Variants in MAMDC2 observed in about 807,000 individuals in gnomAD.
The protein encoded by MAMDC2 is MAM domain-containing protein 2.
A neutral mutation model predicts 89.8 loss-of-function variants in MAMDC2; 57 were observed. The observed-to-expected ratio is 0.63, with a 90% CI of 0.51 to 0.79. The LOEUF is 0.79. MAMDC2 is among the 30% of genes least tolerant of loss of function. The pLI is 0.00. For missense variants in MAMDC2, 800 were observed against 820.6 expected, an observed-to-expected ratio of 0.97 and a Z score of 0.31; for synonymous variants, 313 against 293.4, an observed-to-expected ratio of 1.07 and a Z score of -0.68.
chr9:70,125,948 C>T (rs1314824284), intron 5 of MAMDC2, among the ~76,000 whole-genome samples: 2 of 152,214 alleles, frequency 1.3e-5, no homozygotes, highest in African/African-American at 4.8e-5. Flanking sequence ...CTGTATTTAG[C>T]AGAGTGCAAT....
Position 70,108,222 on chromosome 9 carries a change from T to C in MAMDC2, c.160T>C (p.Tyr54His), listed in dbSNP as rs779207375. The change falls in exon 3 of 14, where the codon TAT becomes CAT. Residue 54 changes from tyrosine to histidine, a missense_variant. Transcript: ENST00000377182. ...WILNEEGHYI[Y>H]VDTSFGKQGE... Reference sequence around the variant, plus strand: ...CTTTCTCTTTCCAGGCCATTACATTTATGTGGATACCTCCTTTGGCAAGCA... The same window carrying C: ...CTTTCTCTTTCCAGGCCATTACATTCATGTGGATACCTCCTTTGGCAAGCA... The C allele has an allele frequency of 1.3e-6, 2 of 1,596,448 alleles. No homozygotes were observed. Among genetic ancestry groups the C allele is most frequent in the South Asian group, 1.1e-5 (1 of 87,710 alleles).
At chr9:70,051,549 A>G (rs1023451471) in intron 2 of MAMDC2, among the ~76,000 whole-genome samples, 3 of 152,234 alleles carry the variant, frequency 2.0e-5, no homozygotes, top group African/African-American at 7.2e-5. Flanking sequence ...TTAAAATAAC[A>G]GAACCTCTTT....
At chr9:70,130,087 C>T (rs2030735145) in intron 6 of MAMDC2, among the ~76,000 whole-genome samples, 1 of 151,214 alleles carries the variant, frequency 6.6e-6, no homozygotes, top group East Asian at 1.9e-4. Flanking sequence ...ATAAGGACAC[C>T]AGTCGTTTAA....
At chr9:70,056,494 T>C (rs1199302966) in intron 2 of MAMDC2, among the ~76,000 whole-genome samples, 1 of 152,242 alleles carries the variant, frequency 6.6e-6, no homozygotes, top group Non-Finnish European at 1.5e-5. Context: ...TGTCAACTTA[T>C]GTTGTCAATA....
intron 2 of MAMDC2, among the ~76,000 whole-genome samples, chr9:70,090,956 A>C (rs543417400): frequency 1.4e-4 from 21 of 152,348 alleles, no homozygotes; most frequent in African/African-American, 5.0e-4. Context: ...AGAAACAGAT[A>C]GATAATATAA....
intron 11 of MAMDC2, chr9:70,175,718 A>T (rs988293723): frequency 2.0e-5 from 3 of 152,144 alleles, no homozygotes; most frequent in Non-Finnish European, 4.4e-5. Flanking sequence ...AATATCCCAG[A>T]CTGGGTGGCT....
rs551437465 is a variant in MAMDC2, at chr9:70,148,954, G to C, written c.1404+5135G>C. On this transcript the variant is annotated intron_variant, in intron 9 of 13. Coordinates refer to ENST00000377182, the MANE Select transcript of MAMDC2 (RefSeq NM_153267.5). ...TGAGGCAGGAGAATGGCGTGAACCC[G>C]GGAGGTGGAGCTTGCAGTGAGCCGA... Among the ~76,000 whole-genome samples the C allele has an allele frequency of 4.0e-4, 56 of 139,136 alleles. 1 individual carries two copies. 91.3% of individuals were successfully genotyped at this position (139,136 alleles called of 152,430 possible).
At chr9:70,158,760 T>C (rs1329365747) in intron 9 of MAMDC2, among the ~76,000 whole-genome samples, 1 of 152,112 alleles carries the variant, frequency 6.6e-6, no homozygotes, top group African/African-American at 2.4e-5. Context: ...TATACAAACC[T>C]AGATGGTATA....
chr9:70,108,962 A>C (rs1828424958), intron 3 of MAMDC2, among the ~76,000 whole-genome samples: 1 of 152,200 alleles, frequency 6.6e-6, no homozygotes, highest in Non-Finnish European at 1.5e-5. Context: ...CAAAGAGGGA[A>C]GTTGTTCCTT....
intron 11 of MAMDC2, among the ~76,000 whole-genome samples, chr9:70,190,493 GC>G (rs1293319084): frequency 6.6e-6 from 1 of 151,920 alleles, no homozygotes; most frequent in Admixed American, 6.6e-5. Flanking sequence ...CTTTGCCTTA[GC>G]CTCCATTTCT....
intron 11 of MAMDC2, among the ~76,000 whole-genome samples, chr9:70,198,317 A>ATGT (rs2033019303): frequency 1.3e-5 from 2 of 151,968 alleles, no homozygotes; most frequent in Admixed American, 1.3e-4. Context: ...GGGTTGTGGA[A>ATGT]CTTGAGACTA....
chr9:70,118,728 A>C (rs768042084), intron 5 of MAMDC2, among the ~76,000 whole-genome samples: 1 of 152,198 alleles, frequency 6.6e-6, no homozygotes, highest in Non-Finnish European at 1.5e-5. Context: ...TAAAAACTGG[A>C]GAAACAGCAC....
At chr9:70,069,597 A>G (rs2118075961) in intron 2 of MAMDC2, among the ~76,000 whole-genome samples, 2 of 152,314 alleles carry the variant, frequency 1.3e-5, no homozygotes, top group South Asian at 4.1e-4. Flanking sequence ...TTGTTCCTTA[A>G]TGGCTAGTAG....
rs1048427244 is a variant in MAMDC2, at chr9:70,044,709, C to G, written c.148+12C>G. The G allele has an allele frequency of 2.3e-5, 35 of 1,537,824 alleles. No homozygotes were observed. Among genetic ancestry groups the G allele is most frequent in the Non-Finnish European group, 3.1e-5 (35 of 1,134,756 alleles). ...TTTAAATGAGGAAGGTAAGGAGGCT[C>G]GGTGGAGAGGGGCGCGAAGTGAACT... On this transcript the variant is annotated intron_variant, in intron 2 of 13. Coordinates refer to ENST00000377182, the MANE Select transcript of MAMDC2 (RefSeq NM_153267.5).
rs750215894 is a variant in MAMDC2, at chr9:70,126,274, C to T, written c.759C>T (p.Ile253=). The part of the protein sequence containing the change: ...MAGCLSFYYQ[I]QQGNDNVFSL... ...GCTGCCTGTCATTTTATTACCAGAT[C>T]CAGCAGGGGAATGACAATGTCTTTT... is the stretch of plus-strand genomic sequence containing the variant. The change falls in exon 6 of 14, where the codon ATC becomes ATT. Residue 253 remains isoleucine, a synonymous_variant. Coordinates refer to ENST00000377182, the MANE Select transcript of MAMDC2 (RefSeq NM_153267.5). 1 of 1,614,174 alleles carries T rather than the reference C, an allele frequency of 6.2e-7. No individual in the cohort carries two copies. Among genetic ancestry groups the T allele is most frequent in the Non-Finnish European group, 8.5e-7 (1 of 1,180,030 alleles).
chr9:70,190,318 C>G (rs1473613960), intron 11 of MAMDC2, among the ~76,000 whole-genome samples: 2 of 152,064 alleles, frequency 1.3e-5, no homozygotes, highest in East Asian at 3.9e-4. Flanking sequence ...ATTCTGTAGT[C>G]TATATTCTTT....
At chr9:70,171,844 C>CA (rs1048225035) in intron 11 of MAMDC2, among the ~76,000 whole-genome samples, 11 of 151,664 alleles carry the variant, frequency 7.3e-5, no homozygotes, top group African/African-American at 1.9e-4. Flanking sequence ...AAAAAAATTG[C>CA]AAAAAAAATT....
At chr9:70,098,923 C>T (rs958533625) in intron 2 of MAMDC2, among the ~76,000 whole-genome samples, 1 of 152,126 alleles carries the variant, frequency 6.6e-6, no homozygotes, top group Non-Finnish European at 1.5e-5. Flanking sequence ...CAGAGTACAA[C>T]AAATGTTAGT....
At chr9:70,054,146 G>A (rs143834235) in intron 2 of MAMDC2, among the ~76,000 whole-genome samples, 1 of 152,264 alleles carries the variant, frequency 6.6e-6, no homozygotes, top group African/African-American at 2.4e-5. Flanking sequence ...CTTCGAGCAG[G>A]GCATTGATGT....
Sources: allele counts gnomAD v4.1 joint callset (sites outside exome capture counted in the v4.1 genomes callset), GRCh38; gene constraint gnomAD v4.1.1; transcripts MANE v1.5; gene names NCBI Gene and HGNC (gene_info 2026-07-23, HGNC 2026-07-21).